Variants in HS3ST4 observed in about 807,000 individuals in gnomAD.
HS3ST4 encodes the protein heparan sulfate-glucosamine 3-sulfotransferase 4, also known as heparan sulfate glucosamine 3-O-sulfotransferase 4.
HS3ST4 carries 17 observed loss-of-function variants against 29.2 expected under a neutral mutation model. That is an observed-to-expected ratio of 0.58 (90% CI 0.40 to 0.87). HS3ST4 has a LOEUF of 0.87. Among genes scored for constraint, HS3ST4 ranks in the 40% least tolerant of loss-of-function variants. The pLI is 0.00. For synonymous variants in HS3ST4, 314 were observed against 285.7 expected (o/e 1.10, Z -1.00); for missense variants, 627 against 634.5 (o/e 0.99, Z 0.13).
chr16:26,035,682 A>G (rs1330819708), intron 1 of HS3ST4, among the ~76,000 whole-genome samples: 2 of 152,172 alleles, frequency 1.3e-5, no homozygotes, highest in Non-Finnish European at 2.9e-5. Context: ...CATTTCTTTC[A>G]TCAGAACTCT....
Position 26,134,720 on chromosome 16 carries a change from T to C in HS3ST4, c.735-892T>C, listed in dbSNP as rs539062483. 2.0e-5 allele frequency among the ~76,000 whole-genome samples: 3 copies of C among 152,304 alleles called. No homozygotes were observed. In the South Asian group the frequency reaches 6.2e-4, roughly 32 times the overall value. ...GCTGAGGTCACAAAGCCTGTCTGAT[T>C]TCCATGTTTATTCCCTGTCCCTGGG... On this transcript the variant is annotated intron_variant, in intron 1 of 1. Coordinates refer to ENST00000331351, the MANE Select transcript of HS3ST4 (RefSeq NM_006040.3).
chr16:26,135,688 C>T lies in HS3ST4; in HGVS notation c.811C>T (p.Pro271Ser), dbSNP rs773102325. ...TPSYFVTNEAPKRIHSMAKDI... is the reference protein window; with the variant it reads ...TPSYFVTNEASKRIHSMAKDI... ...AAGTTACTTTGTGACAAATGAGGCT[C>T]CCAAGCGCATTCACTCCATGGCCAA... is the stretch of plus-strand genomic sequence containing the variant. Residue 271 changes from proline to serine, a missense_variant, in exon 2 of 2, where the codon CCC (proline) becomes TCC (serine). Pro to Ser is a moderately conservative substitution (Grantham distance 74, BLOSUM62 -1). This residue lies in a region of HS3ST4 where 225 missense variants were observed against 293.7 expected (regional missense o/e 0.77). Coordinates refer to ENST00000331351, the MANE Select transcript of HS3ST4 (RefSeq NM_006040.3). The T allele has an allele frequency of 1.9e-6, 3 of 1,613,966 alleles. No individual in the cohort carries two copies. The highest frequency in any genetic ancestry group is 2.5e-6 in the Non-Finnish European group (3 of 1,179,892).
chr16:25,710,404 C>T (rs956811667), intron 1 of HS3ST4, among the ~76,000 whole-genome samples: 1 of 152,130 alleles, frequency 6.6e-6, no homozygotes, highest in Non-Finnish European at 1.5e-5. Flanking sequence ...TTGATTAGGT[C>T]CCGGTCAATT....
intron 1 of HS3ST4, among the ~76,000 whole-genome samples, chr16:25,847,881 A>T (rs1352971344): frequency 6.6e-6 from 1 of 152,148 alleles, no homozygotes; most frequent in Non-Finnish European, 1.5e-5. Flanking sequence ...AAAATTACTT[A>T]TCTATTTGTT....
intron 1 of HS3ST4, among the ~76,000 whole-genome samples, chr16:26,018,333 G>A (rs972294976): frequency 6.6e-6 from 1 of 152,182 alleles, no homozygotes; most frequent in East Asian, 1.9e-4. Context: ...GGAGTTGTTG[G>A]GGGGCACAGG....
At chr16:25,829,544 T>A (rs1479937861) in intron 1 of HS3ST4, among the ~76,000 whole-genome samples, 1 of 152,160 alleles carries the variant, frequency 6.6e-6, no homozygotes, top group African/African-American at 2.4e-5. Flanking sequence ...AATGCATTAG[T>A]TATTTGTCCT....
chr16:25,960,407 T>C (rs1968783247), intron 1 of HS3ST4, among the ~76,000 whole-genome samples: 1 of 152,178 alleles, frequency 6.6e-6, no homozygotes, highest in East Asian at 1.9e-4. Flanking sequence ...ATAGAAAATA[T>C]AAACACTGGG....
chr16:25,783,131 T>A (rs11074723), intron 1 of HS3ST4, among the ~76,000 whole-genome samples: 1 of 151,952 alleles, frequency 6.6e-6, no homozygotes, highest in Non-Finnish European at 1.5e-5. Context: ...TTTTTTTTTC[T>A]TTTTATTTTG....
intron 1 of HS3ST4, among the ~76,000 whole-genome samples, chr16:25,996,641 C>T (rs367652310): frequency 1.3e-5 from 2 of 152,090 alleles, no homozygotes; most frequent in Admixed American, 6.5e-5. Flanking sequence ...TCACTTGTAT[C>T]GATGTCCACT....
intron 1 of HS3ST4, among the ~76,000 whole-genome samples, chr16:25,895,045 G>T (rs1294745235): frequency 1.3e-5 from 2 of 152,170 alleles, no homozygotes; most frequent in Non-Finnish European, 2.9e-5. Flanking sequence ...GCAAGGAAGT[G>T]TGATGAGAGT....
intron 1 of HS3ST4, among the ~76,000 whole-genome samples, chr16:25,868,824 G>A (rs954439023): frequency 2.0e-5 from 3 of 152,128 alleles, no homozygotes; most frequent in South Asian, 2.1e-4. Flanking sequence ...TAATAAACAC[G>A]GCATCTTCTC....
chr16:25,888,544 C>A (rs779712284), intron 1 of HS3ST4, among the ~76,000 whole-genome samples: 47 of 152,312 alleles, frequency 3.1e-4, no homozygotes, highest in Admixed American at 5.2e-4. Context: ...GTCTGTCCTT[C>A]CTTGGGCCAC....
At chr16:26,049,616 C>A (rs1898312557) in intron 1 of HS3ST4, among the ~76,000 whole-genome samples, 1 of 152,028 alleles carries the variant, frequency 6.6e-6, no homozygotes, top group South Asian at 2.1e-4. Flanking sequence ...AGCAAGCAAG[C>A]AAGCAAGCAA....
intron 1 of HS3ST4, among the ~76,000 whole-genome samples, chr16:26,075,383 A>T (rs1050741089): frequency 6.6e-6 from 1 of 152,220 alleles, no homozygotes; most frequent in African/African-American, 2.4e-5. Flanking sequence ...ATTAGGTAGT[A>T]ATTACCCGAG....
At chr16:25,972,169 T>C (rs994040422) in intron 1 of HS3ST4, among the ~76,000 whole-genome samples, 2 of 152,204 alleles carry the variant, frequency 1.3e-5, no homozygotes, top group African/African-American at 2.4e-5. Flanking sequence ...TAGTAGCTAT[T>C]ATTGCTGTTT....
intron 1 of HS3ST4, among the ~76,000 whole-genome samples, chr16:25,988,531 T>C (rs1326827757): frequency 6.6e-6 from 1 of 152,196 alleles, no homozygotes; most frequent in Non-Finnish European, 1.5e-5. Context: ...TTTGGAGAGA[T>C]TGAACACATG....
chr16:26,087,255 C>CTCAGATGTA (rs983221415), intron 1 of HS3ST4, among the ~76,000 whole-genome samples: 9 of 152,206 alleles, frequency 5.9e-5, no homozygotes, highest in African/African-American at 1.9e-4. Flanking sequence ...TTCCAAGGGG[C>CTCAGATGTA]TCAGATGTAT....
intron 1 of HS3ST4, among the ~76,000 whole-genome samples, chr16:25,818,098 C>T (rs563067017): frequency 4.6e-5 from 7 of 152,292 alleles, no homozygotes; most frequent in African/African-American, 9.6e-5. Flanking sequence ...GTGAGGGACA[C>T]GTGACCTAAT....
chr16:25,729,442 C>T (rs1966557064), intron 1 of HS3ST4, among the ~76,000 whole-genome samples: 2 of 152,182 alleles, frequency 1.3e-5, no homozygotes, highest in African/African-American at 4.8e-5. Context: ...ATTCAGGTTC[C>T]ATCCTGGTGC....
Sources: allele counts gnomAD v4.1 joint callset (sites outside exome capture counted in the v4.1 genomes callset), GRCh38; gene constraint gnomAD v4.1.1; regional missense constraint gnomAD v4.1.1; transcripts MANE v1.5; gene names NCBI Gene and HGNC (gene_info 2026-07-23, HGNC 2026-07-21).